PRTG: variants seen among roughly 807,000 people sequenced by gnomAD.
PRTG encodes immunoglobulin superfamily, DCC subclass, member 5.
A neutral mutation model predicts 122.5 loss-of-function variants in PRTG; 67 were observed. That is an observed-to-expected ratio of 0.55 (90% CI 0.45 to 0.67). The LOEUF is 0.67. Among genes scored for constraint, PRTG ranks in the 30% least tolerant of loss-of-function variants. The pLI is 0.00. For missense variants in PRTG, 1,435 were observed against 1,415.4 expected (o/e 1.01, Z -0.22); for synonymous variants, 554 against 501.1 (o/e 1.11, Z -1.41).
intron 2 of PRTG, among the ~76,000 whole-genome samples, chr15:55,721,680 T>C (rs1319109282): frequency 6.6e-6 from 1 of 152,106 alleles, no homozygotes; most frequent in African/African-American, 2.4e-5. Flanking sequence ...CAAGACTGGG[T>C]AATTTGTAAG....
At chr15:55,624,268 G>A (rs1165635233) in intron 18 of PRTG, 74 bp downstream of exon 18, 1 of 1,342,470 alleles carries the variant, frequency 7.4e-7, no homozygotes, top group African/African-American at 1.4e-5. Flanking sequence ...ACAATTTTGG[G>A]GGAAGTACAT....
chr15:55,691,405 G>A (rs1416397799), intron 2 of PRTG, among the ~76,000 whole-genome samples: 1 of 151,684 alleles, frequency 6.6e-6, no homozygotes, highest in African/African-American at 2.4e-5. Context: ...TGTTAAGGCT[G>A]GGCACGGTGG....
rs372875460 is a variant in PRTG, at chr15:55,638,586, A to C, written c.2415T>G (p.Pro805=). 6.2e-7 allele frequency: 1 copy of C among 1,613,516 alleles called. No individual in the cohort carries two copies. The change falls in exon 14 of 20, where the codon CCT becomes CCG. Residue 805 remains proline (P), a synonymous_variant. Coordinates refer to ENST00000389286, the MANE Select transcript of PRTG (RefSeq NM_173814.6). ...VRLHVDQLSS[P]WSPVVYHSTL... is the part of the protein sequence containing the mutation. ...TAGAATGGTAGACTACAGGGCTCCA[A>C]GGACTGGAAAGCTGATCCACATGTA... is the stretch of plus-strand genomic sequence containing the variant.
intron 15 of PRTG, among the ~76,000 whole-genome samples, chr15:55,632,508 A>G (rs933274063): frequency 4.6e-5 from 7 of 152,136 alleles, no homozygotes; most frequent in African/African-American, 1.4e-4. Flanking sequence ...AATAAAATCT[A>G]TGGCTCATGA....
chr15:55,677,691 C>T (rs1367958823), intron 8 of PRTG, 106 bp downstream of exon 8: 19 of 1,075,990 alleles, frequency 1.8e-5, no homozygotes, highest in Non-Finnish European at 2.5e-5. Context: ...TAAATGCCAC[C>T]AAATTTCAAA....
At chr15:55,739,306 C>T (rs1187574883) in intron 2 of PRTG, among the ~76,000 whole-genome samples, 4 of 149,102 alleles carry the variant, frequency 2.7e-5, no homozygotes, top group Non-Finnish European at 4.4e-5. Context: ...CTCACTATTT[C>T]CCAGGCTGGA....
chr15:55,739,009 G>A lies in PRTG; in HGVS notation c.397+1373C>T, dbSNP rs141197367. Among the ~76,000 whole-genome samples, 63 of 152,142 alleles carry A rather than the reference G, an allele frequency of 4.1e-4. 1 individual carries two copies. The East Asian group carries it at 0.011, about 26-fold the overall frequency. On this transcript the variant is annotated intron_variant, in intron 2 of 19. Transcript: ENST00000389286. Reference sequence around the variant, plus strand: ...TCAGAAATCCTCTCAGGTTTATGCTGGTCTTTGGCAGGGGTAGGAGTGTGG... The same window carrying A: ...TCAGAAATCCTCTCAGGTTTATGCTAGTCTTTGGCAGGGGTAGGAGTGTGG...
At chr15:55,706,078 T>G (rs932168244) in intron 2 of PRTG, among the ~76,000 whole-genome samples, 33 of 142,382 alleles carry the variant, frequency 2.3e-4, no homozygotes, top group Admixed American at 6.1e-4. Flanking sequence ...GCCAGGCTGG[T>G]CTCAATCTCC....
intron 2 of PRTG, among the ~76,000 whole-genome samples, chr15:55,737,010 A>G (rs757066526): frequency 9.9e-5 from 15 of 152,214 alleles, no homozygotes; most frequent in Non-Finnish European, 1.9e-4. Context: ...TTCCTACGAA[A>G]TTTATCTTAC....
intron 15 of PRTG, among the ~76,000 whole-genome samples, chr15:55,630,513 T>G (rs1034177411): frequency 6.6e-6 from 1 of 152,178 alleles, no homozygotes; most frequent in Non-Finnish European, 1.5e-5. Context: ...AGGTCTCAGA[T>G]TAAACTATCA....
chr15:55,681,727 G>A (rs2059539311), intron 4 of PRTG, among the ~76,000 whole-genome samples: 1 of 151,958 alleles, frequency 6.6e-6, no homozygotes, highest in African/African-American at 2.4e-5. Context: ...TTCTTTAAAC[G>A]ACAAGCAAAA....
chr15:55,727,724 G>A (rs1011845935), intron 2 of PRTG, among the ~76,000 whole-genome samples: 42 of 152,108 alleles, frequency 2.8e-4, no homozygotes, highest in African/African-American at 3.6e-4. Flanking sequence ...TGAACCCAGC[G>A]GGCAGTGGTT....
rs190042220 is a variant in PRTG, at chr15:55,664,587, T to G, written c.2041+7858A>C. On this transcript the variant is annotated intron_variant, in intron 11 of 19. Transcript: ENST00000389286. ...TTCTAATCTAAATTTAGAAATTTTTTTTTGTTTGTTTTTGAGACAGGGTCT... is the reference window on the plus strand; with the variant it reads ...TTCTAATCTAAATTTAGAAATTTTTGTTTGTTTGTTTTTGAGACAGGGTCT... 1.3e-3 allele frequency among the ~76,000 whole-genome samples: 192 copies of G among 152,300 alleles called. 4 individuals carry two copies. Among genetic ancestry groups the G allele is most frequent in the African/African-American group, 4.0e-3 (168 of 41,576 alleles).
At chr15:55,705,871 T>TTC (rs1555435128) in intron 2 of PRTG, among the ~76,000 whole-genome samples, 1 of 150,426 alleles carries the variant, frequency 6.6e-6, no homozygotes, top group Non-Finnish European at 1.5e-5. Context: ...TTTTTTTTTT[T>TTC]CTGAGAAGGA....
intron 15 of PRTG, among the ~76,000 whole-genome samples, chr15:55,635,918 C>T (rs1173041250): frequency 6.6e-6 from 1 of 152,016 alleles, no homozygotes; most frequent in African/African-American, 2.4e-5. Flanking sequence ...TATTGGTTGG[C>T]AAACTACTCT....
intron 11 of PRTG, among the ~76,000 whole-genome samples, chr15:55,665,506 TG>T (rs756163546): frequency 0.017 from 2,123 of 123,690 alleles, 61 homozygotes; most frequent in African/African-American, 0.051. Context: ...AGGTTTTTTT[TG>T]TTTTTTTTTT....
At chr15:55,648,870 G>T (rs1161815864) in intron 11 of PRTG, among the ~76,000 whole-genome samples, 1 of 151,844 alleles carries the variant, frequency 6.6e-6, no homozygotes, top group Non-Finnish European at 1.5e-5. Context: ...AGGCCAAGGC[G>T]GGCGGATTAT....
intron 2 of PRTG, chr15:55,738,280 T>C: frequency 2.5e-6 from 1 of 404,280 alleles, no homozygotes; most frequent in Non-Finnish European, 4.4e-6. Context: ...TCTAAAGATA[T>C]TTAAAAAGCC....
At chr15:55,675,394 G>C (rs941951288) in intron 9 of PRTG, 125 bp downstream of exon 9, 2 of 611,724 alleles carry the variant, frequency 3.3e-6, no homozygotes, top group Non-Finnish European at 5.2e-6. Flanking sequence ...ATTTTGAACG[G>C]CAAATTTAAC....
Sources: allele counts gnomAD v4.1 joint callset (sites outside exome capture counted in the v4.1 genomes callset), GRCh38; gene constraint gnomAD v4.1.1; transcripts MANE v1.5; gene names NCBI Gene and HGNC (gene_info 2026-07-23, HGNC 2026-07-21).